The following VPS13C variants were observed in gnomAD, a reference collection of about 807,000 sequenced individuals.
VPS13C encodes the protein vacuolar protein sorting 13 homolog C, also known as intermembrane lipid transfer protein VPS13C.
In VPS13C, 358 loss-of-function variants were observed where a neutral mutation model predicts 456.8. That is an observed-to-expected ratio of 0.78 (90% confidence interval 0.72 to 0.86). The LOEUF (loss-of-function observed/expected upper bound fraction) is 0.86, where lower values mean the gene tolerates loss of function less well. VPS13C is among the 40% of genes least tolerant of loss of function. VPS13C has a pLI of 0.00. For missense variants in VPS13C, 4,818 were observed against 4,385.4 expected, an observed-to-expected ratio of 1.10 and a Z score of -2.79; for synonymous variants, 1,578 against 1,486.7, an observed-to-expected ratio of 1.06 and a Z score of -1.41.
At chr15:62,060,066 C>T (rs539025747) in intron 1 of VPS13C, among the ~76,000 whole-genome samples, 13 of 152,280 alleles carry the variant, frequency 8.5e-5, no homozygotes, top group South Asian at 4.1e-4. Flanking sequence ...GCAGCGCGGG[C>T]GGGATCCCGC....
At chr15:62,006,974 A>C (rs540203097) in intron 15 of VPS13C, among the ~76,000 whole-genome samples, 2 of 152,322 alleles carry the variant, frequency 1.3e-5, no homozygotes, top group East Asian at 3.9e-4. Flanking sequence ...TAAATACAGG[A>C]TGTTTACTAA....
At chr15:61,984,346 C>T (rs1329376875) in intron 19 of VPS13C, among the ~76,000 whole-genome samples, 1 of 152,202 alleles carries the variant, frequency 6.6e-6, no homozygotes, top group Admixed American at 6.5e-5. Flanking sequence ...CCACTCTTAA[C>T]ACCCTCTTAC....
rs776245434 is a variant in VPS13C, at chr15:62,010,484, C to T, written c.999G>A (p.Leu333=). 11 of 1,609,394 alleles carry T rather than the reference C, an allele frequency of 6.8e-6. No homozygotes were observed. The highest frequency in any genetic ancestry group is 8.5e-7 in the Non-Finnish European group (1 of 1,178,290). The change falls in exon 13 of 85, where the codon CTG becomes CTA. Residue 333 remains leucine, a synonymous_variant. Coordinates refer to ENST00000644861, the MANE Select transcript of VPS13C (RefSeq NM_020821.3). ...ACATGAATCATACCTGAGGTTTGGT[C>T]AGTTCAATGGCAATATTTTGTATTT... ...NIEIQNIAIE[L]TKPQYLSMID...
chr15:62,035,323 A>T (rs894684986), intron 3 of VPS13C, among the ~76,000 whole-genome samples: 1 of 152,038 alleles, frequency 6.6e-6, no homozygotes, highest in South Asian at 2.1e-4. Flanking sequence ...TGTAAAATGA[A>T]TAAGTCAGCT....
intron 27 of VPS13C, 131 bp from the exon 28 acceptor site, chr15:61,969,583 G>T: frequency 2.2e-6 from 1 of 445,218 alleles, no homozygotes; most frequent in Non-Finnish European, 3.7e-6. Flanking sequence ...TGCCACCATA[G>T]CAATTTAATA....
chr15:62,031,727 A>G (rs2047827147), intron 5 of VPS13C, among the ~76,000 whole-genome samples: 1 of 151,956 alleles, frequency 6.6e-6, no homozygotes, highest in African/African-American at 2.4e-5. Flanking sequence ...TAGGCCTAAC[A>G]GTTCTATTTA....
intron 82 of VPS13C, 66 bp from the exon 83 acceptor site, chr15:61,856,475 T>C: frequency 1.9e-6 from 3 of 1,588,012 alleles, no homozygotes; most frequent in South Asian, 2.3e-5. Flanking sequence ...TGCCAATATT[T>C]CACCCTACTG....
chr15:62,047,016 AG>A (rs2048426436), intron 1 of VPS13C, among the ~76,000 whole-genome samples: 1 of 152,100 alleles, frequency 6.6e-6, no homozygotes, highest in Non-Finnish European at 1.5e-5. Flanking sequence ...AATTATAAGA[AG>A]GAAAATGGGG....
At chr15:61,866,679 A>G (rs1596269580) in intron 81 of VPS13C, 2 of 985,132 alleles carry the variant, frequency 2.0e-6, no homozygotes, top group East Asian at 2.3e-4. Flanking sequence ...TTTAACAGTT[A>G]CATGTTTTGT....
intron 67 of VPS13C, among the ~76,000 whole-genome samples, chr15:61,889,510 A>G (rs1021993689): frequency 6.6e-6 from 1 of 152,094 alleles, no homozygotes; most frequent in Non-Finnish European, 1.5e-5. Context: ...CAACCATTCC[A>G]CCCATCAGCC....
Position 62,007,318 on chromosome 15 carries a change from TTCTG to T in VPS13C, c.1276_1279del (p.Gln426LysfsTer10). ...ATATGCAAGATATACCTGAATTTCT[TTCTG>T]TATTTCTTCTGAGACTTTAGACTGT... On this transcript the variant is annotated frameshift_variant, in exon 15 of 85. Transcript: ENST00000644861. LOFTEE classifies it high-confidence loss of function. 1 of 1,605,962 alleles carries T rather than the reference TTCTG, an allele frequency of 6.2e-7. No homozygotes were observed. The highest frequency in any genetic ancestry group is 1.1e-5 in the South Asian group (1 of 88,802).
At chr15:61,871,896 C>G (rs977285082) in intron 79 of VPS13C, 93 bp downstream of exon 79, 1 of 1,109,422 alleles carries the variant, frequency 9.0e-7, no homozygotes, top group African/African-American at 1.6e-5. Flanking sequence ...GTAATTTTCT[C>G]AATCAAGTAT....
rs534832532 is a variant in VPS13C, at chr15:61,858,108, G to A, written c.10953-1699C>T. On this transcript the variant is annotated intron_variant, in intron 82 of 84. Transcript: ENST00000644861. The surrounding 1 kb of genome is among the most constrained non-coding windows in gnomAD (Gnocchi z 4.4). ...CTAAGGATGGCTGTCACAAATCCTC[G>A]TGCCAAACACAATTCACTATTCCAA... is the stretch of plus-strand genomic sequence containing the variant. Among the ~76,000 whole-genome samples, 3 of 152,124 alleles carry A rather than the reference G, an allele frequency of 2.0e-5. No individual in the cohort carries two copies. Among genetic ancestry groups the A allele is most frequent in the East Asian group, 3.9e-4 (2 of 5,182 alleles).
chr15:62,030,898 T>A (rs2047793594), intron 5 of VPS13C, among the ~76,000 whole-genome samples: 1 of 152,106 alleles, frequency 6.6e-6, no homozygotes, highest in Non-Finnish European at 1.5e-5. Context: ...TTTTATCATG[T>A]CATTTTGGCA....
chr15:61,949,627 G>C, intron 41 of VPS13C, 22 bp from the exon 42 acceptor site: 1 of 1,582,104 alleles, frequency 6.3e-7, no homozygotes, highest in Non-Finnish European at 8.5e-7. Context: ...AACAATTAAA[G>C]AGGCAGATTT....
At chr15:61,899,953 T>C (rs981987057) in intron 66 of VPS13C, among the ~76,000 whole-genome samples, 2 of 152,112 alleles carry the variant, frequency 1.3e-5, no homozygotes, top group African/African-American at 4.8e-5. Flanking sequence ...CAAGGCTGGT[T>C]AAATATACAC....
At chr15:61,911,762 G>C (rs2043308117) in intron 63 of VPS13C, 78 bp downstream of exon 63, 1 of 1,256,540 alleles carries the variant, frequency 8.0e-7, no homozygotes, top group Non-Finnish European at 1.1e-6. Context: ...CTGAAAAAGA[G>C]GTATATACAA....
intron 66 of VPS13C, among the ~76,000 whole-genome samples, chr15:61,901,207 C>A (rs576802998): frequency 6.6e-6 from 1 of 151,982 alleles, no homozygotes; most frequent in East Asian, 1.9e-4. Context: ...TGGGCGAGGA[C>A]TTCATGTCCA....
At chr15:61,989,705 A>C (rs2046164941) in intron 18 of VPS13C, among the ~76,000 whole-genome samples, 1 of 152,192 alleles carries the variant, frequency 6.6e-6, no homozygotes, top group South Asian at 2.1e-4. Flanking sequence ...TAAAACCGTA[A>C]TATTACAATT....
Sources: gnomAD v4.1 joint callset for allele counts (sites outside exome capture counted in the v4.1 genomes callset) on GRCh38, gnomAD v4.1.1 for gene constraint, Gnocchi (gnomAD v3.1) non-coding constraint, MANE v1.5 for transcripts, NCBI Gene and HGNC (gene_info 2026-07-23, HGNC 2026-07-21) for gene names.